SH3RF2: variants seen among roughly 807,000 people sequenced by gnomAD.
The protein encoded by SH3RF2 is E3 ubiquitin-protein ligase SH3RF2.
SH3RF2 carries 43 observed loss-of-function variants against 59.0 expected under a neutral mutation model. That is an observed-to-expected ratio of 0.73 (90% CI 0.57 to 0.94). The LOEUF (loss-of-function observed/expected upper bound fraction) is 0.94. Among genes scored for constraint, SH3RF2 ranks in the 40% least tolerant of loss-of-function variants. The probability of loss-of-function intolerance (pLI) is 0.00; values close to 1 mark genes in which losing one functional copy is unlikely to be tolerated. For missense variants in SH3RF2, 930 were observed against 940.1 expected, an observed-to-expected ratio of 0.99 and a Z score of 0.14; for synonymous variants, 391 against 391.5, an observed-to-expected ratio of 1.00 and a Z score of 0.01.
intron 5 of SH3RF2, among the ~76,000 whole-genome samples, chr5:146,017,685 A>G (rs899309480): frequency 6.6e-6 from 1 of 152,162 alleles, no homozygotes; most frequent in South Asian, 2.1e-4. Context: ...CAGTAAGCTC[A>G]TTGTGCCACC....
At chr5:145,937,039 A>G (rs1344827004) in intron 1 of SH3RF2, 1 of 152,168 alleles carries the variant, frequency 6.6e-6, no homozygotes, top group Admixed American at 6.5e-5. Context: ...ACAGGTCGTG[A>G]CCACAATCCA....
chr5:145,973,102 G>A (rs1409718284), intron 2 of SH3RF2, among the ~76,000 whole-genome samples: 1 of 152,174 alleles, frequency 6.6e-6, no homozygotes, highest in Non-Finnish European at 1.5e-5. Context: ...TAGAGTAAAT[G>A]ACACCTCAAC....
chr5:146,008,994 T>C (rs1251970608), intron 4 of SH3RF2, among the ~76,000 whole-genome samples: 1 of 152,228 alleles, frequency 6.6e-6, no homozygotes, highest in Non-Finnish European at 1.5e-5. Flanking sequence ...TAGTATTCCA[T>C]TGTATAGATG....
At position 145,937,809 on chromosome 5, in the gene SH3RF2, C is replaced by A; in HGVS notation, c.-106-14C>A. On this transcript the variant is annotated splice_polypyrimidine_tract_variant and intron_variant, in intron 1 of 9. Transcript: ENST00000359120. ...GTCACATTTTTTTTTCTCTCCTCTCCCTCCTTCAAGCAGGCAAAAATTCTG... is the reference window on the plus strand; with the variant it reads ...GTCACATTTTTTTTTCTCTCCTCTCACTCCTTCAAGCAGGCAAAAATTCTG... The A allele has an allele frequency of 8.1e-7, 1 of 1,232,216 alleles. No homozygotes were observed. Among genetic ancestry groups the A allele is most frequent in the Non-Finnish European group, 1.1e-6 (1 of 889,070 alleles). 76.3% of individuals were successfully genotyped at this position (1,232,216 alleles called of 1,614,324 possible).
intron 2 of SH3RF2, among the ~76,000 whole-genome samples, chr5:145,990,661 G>T (rs537888117): frequency 6.6e-6 from 1 of 152,170 alleles, no homozygotes; most frequent in Non-Finnish European, 1.5e-5. Context: ...TTCCTCTTGT[G>T]GCTTCCAGAC....
chr5:145,960,341 CA>C (rs1413378992), intron 2 of SH3RF2, among the ~76,000 whole-genome samples: 3 of 152,164 alleles, frequency 2.0e-5, no homozygotes, highest in Non-Finnish European at 4.4e-5. Context: ...ATATTTACTA[CA>C]AAAAACTATT....
chr5:146,071,476 C>T (rs575130132), intron 9 of SH3RF2, among the ~76,000 whole-genome samples: 1 of 152,352 alleles, frequency 6.6e-6, no homozygotes, highest in Admixed American at 6.5e-5. Flanking sequence ...ATATTCTGTT[C>T]TGCACATTCT....
chr5:146,042,538 CTGGTAGA>C (rs1762164660), intron 5 of SH3RF2, among the ~76,000 whole-genome samples: 1 of 152,182 alleles, frequency 6.6e-6, no homozygotes, highest in East Asian at 1.9e-4. Flanking sequence ...ATCACAGGTT[CTGGTAGA>C]TGGTAGAGCC....
chr5:145,986,139 T>C (rs1366893804), intron 2 of SH3RF2, among the ~76,000 whole-genome samples: 1 of 152,194 alleles, frequency 6.6e-6, no homozygotes, highest in East Asian at 1.9e-4. Flanking sequence ...AGTACCTCAT[T>C]CAAGGACACA....
intron 5 of SH3RF2, among the ~76,000 whole-genome samples, chr5:146,034,681 A>G (rs2150006348): frequency 6.6e-6 from 1 of 152,324 alleles, no homozygotes; most frequent in African/African-American, 2.4e-5. Context: ...TCCAGTGATA[A>G]TAATTCAGAA....
intron 5 of SH3RF2, among the ~76,000 whole-genome samples, chr5:146,015,553 G>A (rs1271859420): frequency 6.6e-6 from 1 of 152,106 alleles, no homozygotes; most frequent in Non-Finnish European, 1.5e-5. Flanking sequence ...TTTATATATA[G>A]TCATAGATAT....
At chr5:146,026,689 CA>C (rs1676682477) in intron 5 of SH3RF2, among the ~76,000 whole-genome samples, 1 of 152,138 alleles carries the variant, frequency 6.6e-6, no homozygotes. Flanking sequence ...AGCTTCTCAG[CA>C]CAGGCAGTAT....
chr5:146,047,152 G>GGTGTGTGTGTGTGTGT (rs1034868328), intron 5 of SH3RF2, among the ~76,000 whole-genome samples: 1 of 90,076 alleles, frequency 1.1e-5, no homozygotes, highest in African/African-American at 3.7e-5. Context: ...TCATTGGATA[G>GGTGTGTGTGTGTGTGT]GCGTGTGTGT....
intron 4 of SH3RF2, among the ~76,000 whole-genome samples, chr5:146,012,153 C>T (rs540531921): frequency 5.2e-4 from 79 of 152,178 alleles, no homozygotes; most frequent in Non-Finnish European, 1.0e-3. Flanking sequence ...TGGTTTTTGT[C>T]GCTGGTTCTG....
intron 2 of SH3RF2, among the ~76,000 whole-genome samples, chr5:145,953,884 C>A (rs866537048): frequency 6.6e-6 from 1 of 152,086 alleles, no homozygotes; most frequent in Non-Finnish European, 1.5e-5. Context: ...TCAAAAGACA[C>A]GATCTCATTC....
chr5:146,007,037 A>C (rs1760674327), intron 4 of SH3RF2, among the ~76,000 whole-genome samples: 1 of 152,188 alleles, frequency 6.6e-6, no homozygotes, highest in Non-Finnish European at 1.5e-5. Flanking sequence ...ACATAGCCTG[A>C]TGTGATGTCA....
At chr5:146,079,110 C>T (rs1378023031) in exon 10 of SH3RF2, 16 of 151,942 alleles carry the variant, frequency 1.1e-4, no homozygotes, top group Admixed American at 1.0e-3. Flanking sequence ...AGACCTGGTA[C>T]ATAAAGAGTC....
chr5:146,075,169 A>G (rs535071584), intron 9 of SH3RF2, among the ~76,000 whole-genome samples: 1 of 152,330 alleles, frequency 6.6e-6, no homozygotes, highest in East Asian at 1.9e-4. Context: ...TTCTACCTGT[A>G]GGATTTTCTA....
At chr5:145,943,069 A>G (rs1757879033) in intron 2 of SH3RF2, among the ~76,000 whole-genome samples, 1 of 151,602 alleles carries the variant, frequency 6.6e-6, no homozygotes, top group Admixed American at 6.6e-5. Context: ...AATGATATAC[A>G]TATATATAAT....
Sources: gnomAD v4.1 joint callset for allele counts (sites outside exome capture counted in the v4.1 genomes callset) on GRCh38, gnomAD v4.1.1 for gene constraint, MANE v1.5 for transcripts, NCBI Gene and HGNC (gene_info 2026-07-23, HGNC 2026-07-21) for gene names.